Variants in ENOX1 observed in about 807,000 individuals in gnomAD.
ENOX1 encodes the protein ecto-NOX disulfide-thiol exchanger 1, also known as candidate growth-related and time keeping constitutive hydroquinone (NADH) oxidase.
In ENOX1, 42 loss-of-function variants were observed where a neutral mutation model predicts 82.5. That is an observed-to-expected ratio of 0.51 (90% CI 0.40 to 0.66). ENOX1 has a LOEUF of 0.66. ENOX1 is among the 30% of genes least tolerant of loss of function. The pLI is 0.00. For missense variants in ENOX1, 608 were observed against 811.6 expected (o/e 0.75, Z 3.05); for synonymous variants, 271 against 282.2 (o/e 0.96, Z 0.40).
intron 2 of ENOX1, among the ~76,000 whole-genome samples, chr13:43,626,839 T>G (rs2082986168): frequency 6.6e-6 from 1 of 151,964 alleles, no homozygotes; most frequent in Non-Finnish European, 1.5e-5. Flanking sequence ...TTCTATATCC[T>G]TACTGATTTT....
At chr13:43,568,094 G>A (rs1025999347) in intron 2 of ENOX1, among the ~76,000 whole-genome samples, 6 of 152,144 alleles carry the variant, frequency 3.9e-5, no homozygotes, top group Middle Eastern at 3.2e-3. Flanking sequence ...CCTAGGTGAC[G>A]AACCTTTGTG....
At chr13:43,695,245 T>TAA (rs34890937) in intron 1 of ENOX1, among the ~76,000 whole-genome samples, 1 of 144,234 alleles carries the variant, frequency 6.9e-6, no homozygotes. Context: ...AGCTCATATT[T>TAA]AAAAAAAAAA....
intron 2 of ENOX1, among the ~76,000 whole-genome samples, chr13:43,491,074 G>A (rs150525208): frequency 1.1e-4 from 17 of 152,258 alleles, no homozygotes; most frequent in Admixed American, 8.5e-4. Flanking sequence ...GAAGCATGGC[G>A]CTGGTGTCTG....
intron 1 of ENOX1, among the ~76,000 whole-genome samples, chr13:43,729,881 T>C (rs761386307): frequency 1.5e-4 from 23 of 152,212 alleles, no homozygotes; most frequent in Non-Finnish European, 2.9e-4. Flanking sequence ...TTTTAGTATA[T>C]GTGCTGCCAA....
chr13:43,517,783 T>A (rs528065483), intron 2 of ENOX1, among the ~76,000 whole-genome samples: 2 of 152,186 alleles, frequency 1.3e-5, no homozygotes, highest in South Asian at 4.2e-4. Flanking sequence ...GGTGACTACA[T>A]CACTAGAATG....
chr13:43,309,271 C>T (rs183179820), intron 11 of ENOX1, among the ~76,000 whole-genome samples: 1 of 152,228 alleles, frequency 6.6e-6, no homozygotes, highest in Admixed American at 6.5e-5. Context: ...ATCCGCCTAC[C>T]TCGGCCTCCC....
intron 12 of ENOX1, among the ~76,000 whole-genome samples, chr13:43,287,614 A>G (rs976886567): frequency 2.6e-4 from 39 of 152,230 alleles, no homozygotes; most frequent in African/African-American, 9.4e-4. Flanking sequence ...CTTAGGTGGC[A>G]TCAGTACGGC....
intron 5 of ENOX1, among the ~76,000 whole-genome samples, chr13:43,394,343 T>C (rs2052998293): frequency 2.6e-5 from 4 of 152,226 alleles, no homozygotes; most frequent in Admixed American, 2.6e-4. Flanking sequence ...GAACTTGGCA[T>C]GTTCTTCATT....
intron 2 of ENOX1, among the ~76,000 whole-genome samples, chr13:43,659,777 G>C (rs2084630814): frequency 6.6e-6 from 1 of 152,074 alleles, no homozygotes. Context: ...TAGAGTCCCA[G>C]GGATGTTTCC....
chr13:43,559,027 A>C (rs1348732428), intron 2 of ENOX1, among the ~76,000 whole-genome samples: 1 of 152,170 alleles, frequency 6.6e-6, no homozygotes, highest in Non-Finnish European at 1.5e-5. Flanking sequence ...CTTCCATAAC[A>C]AAAAGGATGA....
chr13:43,666,227 T>C lies in ENOX1; in HGVS notation c.-219+1252A>G, dbSNP rs574798950. On this transcript the variant is annotated intron_variant, in intron 2 of 16. Transcript: ENST00000690772. ...CAAACCTTCAATTTGTAAAAAAACA[T>C]AGTATCTGCAAAGCTCAATAAAACC... is the stretch of plus-strand genomic sequence containing the variant. 3.9e-5 allele frequency among the ~76,000 whole-genome samples: 6 copies of C among 152,170 alleles called. No individual in the cohort carries two copies. In the South Asian group the frequency reaches 1.2e-3, roughly 32 times the overall value.
At chr13:43,234,967 C>A (rs1022000118) in intron 15 of ENOX1, among the ~76,000 whole-genome samples, 1 of 152,048 alleles carries the variant, frequency 6.6e-6, no homozygotes, top group East Asian at 1.9e-4. Flanking sequence ...ATTTTTTTAA[C>A]CTTCAAGTGG....
At chr13:43,435,222 A>G (rs2055946776) in intron 3 of ENOX1, among the ~76,000 whole-genome samples, 1 of 152,128 alleles carries the variant, frequency 6.6e-6, no homozygotes, top group South Asian at 2.1e-4. Context: ...AACCTGGAGC[A>G]AATGAAAACA....
At chr13:43,769,788 T>C (rs1951484318) in intron 1 of ENOX1, among the ~76,000 whole-genome samples, 2 of 152,330 alleles carry the variant, frequency 1.3e-5, no homozygotes, top group Non-Finnish European at 2.9e-5. Context: ...CAGTTCCAAT[T>C]TGTCATGCTC....
At chr13:43,320,505 C>T (rs922334926) in intron 11 of ENOX1, among the ~76,000 whole-genome samples, 5 of 152,186 alleles carry the variant, frequency 3.3e-5, no homozygotes, top group African/African-American at 9.6e-5. Flanking sequence ...CAGCAGAGGC[C>T]GGGCCCCGAT....
intron 5 of ENOX1, among the ~76,000 whole-genome samples, chr13:43,396,792 A>G (rs1161260705): frequency 6.6e-6 from 1 of 152,188 alleles, no homozygotes; most frequent in Non-Finnish European, 1.5e-5. Flanking sequence ...AGCATTGTGC[A>G]TATTAATGTC....
rs1443611011 is a variant in ENOX1 at position 43,265,423 on chromosome 13, T to C, written c.1586A>G (p.Asn529Ser). The C allele has an allele frequency of 3.1e-6, 5 of 1,612,400 alleles. No individual in the cohort carries two copies. The highest frequency in any genetic ancestry group is 3.4e-6 in the Non-Finnish European group (4 of 1,179,196). The change falls in exon 14 of 17, where the codon AAT (asparagine) becomes AGT (serine). Residue 529 changes from asparagine to serine, a missense_variant. By Grantham distance (46) the Asn-to-Ser change is conservative. Transcript: ENST00000690772. ...ATTTGAATCCTCATGGCTGTGGCCATTGGTCTCGACCAATTCCTTGGTACC... is the reference window on the plus strand; with the variant it reads ...ATTTGAATCCTCATGGCTGTGGCCACTGGTCTCGACCAATTCCTTGGTACC... ...LKGTKELVET[N>S]GHSHEDSNEI...
intron 3 of ENOX1, among the ~76,000 whole-genome samples, chr13:43,455,434 C>G (rs1316035823): frequency 5.3e-5 from 8 of 152,142 alleles, no homozygotes; most frequent in Non-Finnish European, 1.0e-4. Flanking sequence ...TCTTACCCAT[C>G]ATTTTGGGCA....
chr13:43,602,501 C>G (rs2081770850), intron 2 of ENOX1, among the ~76,000 whole-genome samples: 1 of 152,036 alleles, frequency 6.6e-6, no homozygotes, highest in African/African-American at 2.4e-5. Context: ...CCACATTTAT[C>G]TTATAAAACT....
Sources: gnomAD v4.1 joint callset for allele counts (sites outside exome capture counted in the v4.1 genomes callset) on GRCh38, gnomAD v4.1.1 for gene constraint, MANE v1.5 for transcripts, NCBI Gene and HGNC (gene_info 2026-07-23, HGNC 2026-07-21) for gene names.